Variants in CD83 observed in about 807,000 individuals in gnomAD.
CD83 encodes the protein CD83 molecule.
CD83 carries 22 observed loss-of-function variants against 24.6 expected under a neutral mutation model. The observed-to-expected ratio is 0.90, with a 90% CI of 0.64 to 1.28. The LOEUF (loss-of-function observed/expected upper bound fraction) is 1.28. Among genes scored for constraint, CD83 ranks in the 50% most tolerant of loss-of-function variants. CD83 has a pLI of 0.00. For synonymous variants in CD83, 101 were observed against 103.5 expected, an observed-to-expected ratio of 0.98 and a Z score of 0.14; for missense variants, 253 against 252.8, an observed-to-expected ratio of 1.00 and a Z score of -0.01.
At chr6:14,122,364 G>T (rs992647968) in intron 2 of CD83, among the ~76,000 whole-genome samples, 2 of 152,162 alleles carry the variant, frequency 1.3e-5, no homozygotes, top group Non-Finnish European at 1.5e-5. Flanking sequence ...CTACCATCTT[G>T]TGTGATAATG....
chr6:14,135,569 A>G lies in CD83; in HGVS notation c.*333A>G, dbSNP rs376308924. 7.2e-5 allele frequency: 16 copies of G among 222,802 alleles called. No homozygotes were observed. In the South Asian group the frequency reaches 2.0e-3, roughly 28 times the overall value. The allele number at this position is 222,802 out of a possible 1,614,324, so 13.8% of individuals were successfully genotyped here. A position where few individuals can be genotyped will look rare whatever the true frequency, so the allele number is the denominator to read the frequency against. On this transcript the variant is annotated 3_prime_UTR_variant, in exon 5 of 5. Transcript: ENST00000379153. ...TGGAAAAGGGTCTTGGGAAATATGA[A>G]TGCCCCCAGCTGGCCCGTGACAGAC...
rs940841406 is a variant in CD83, at chr6:14,129,554, TC to T, written c.154-1963del. Among the ~76,000 whole-genome samples, 1 of 152,192 alleles carries T rather than the reference TC, an allele frequency of 6.6e-6. No individual in the cohort carries two copies. Among genetic ancestry groups the T allele is most frequent in the African/African-American group, 2.4e-5 (1 of 41,436 alleles). On this transcript the variant is annotated intron_variant, in intron 2 of 4. Transcript: ENST00000379153. The surrounding 1 kb of genome is among the most constrained non-coding windows in gnomAD (Gnocchi z 4.3). ...TATGGGCCCCAGTCTTTTAGCTTCCTCCCATAGATTCTTGATTATTTAGGAA... is the reference window on the plus strand; with the variant it reads ...TATGGGCCCCAGTCTTTTAGCTTCCTCCATAGATTCTTGATTATTTAGGAA...
chr6:14,121,759 ATAG>A (rs1759676915), intron 2 of CD83, among the ~76,000 whole-genome samples: 1 of 152,140 alleles, frequency 6.6e-6, no homozygotes, highest in African/African-American at 2.4e-5. Context: ...ATAAAAGGGC[ATAG>A]CACAATATCA....
chr6:14,136,716 T>C lies in CD83; in HGVS notation c.*1480T>C, dbSNP rs1173432814. 6.6e-6 allele frequency: 1 copy of C among 152,174 alleles called. No individual in the cohort carries two copies. The highest frequency in any genetic ancestry group is 1.5e-5 in the Non-Finnish European group (1 of 68,026). The allele number at this position is 152,174 out of a possible 1,614,324, so 9.4% of individuals were successfully genotyped here. A position where few individuals can be genotyped will look rare whatever the true frequency, so the allele number is the denominator to read the frequency against. On this transcript the variant is annotated 3_prime_UTR_variant, in exon 5 of 5. Coordinates refer to ENST00000379153, the MANE Select transcript of CD83 (RefSeq NM_004233.4). ...CTGTTTTATATTCAACTCATAAGAC[T>C]TTGGGATAGGAAAAATGAGTAATGG...
Position 14,135,350 on chromosome 6 carries a change from T to G in CD83, c.*114T>G. On this transcript the variant is annotated 3_prime_UTR_variant, in exon 5 of 5. Coordinates refer to ENST00000379153, the MANE Select transcript of CD83 (RefSeq NM_004233.4). The stretch of plus-strand genomic sequence containing the variant: ...CTGAAGATGGCATCCTGTGAAGTCC[T>G]TCACCTCACTGAAAACATCTGGAAG... The G allele has an allele frequency of 8.5e-7, 1 of 1,175,226 alleles. No individual in the cohort carries two copies. The highest frequency in any genetic ancestry group is 2.3e-5 in the Admixed American group (1 of 43,170). 72.8% of individuals were successfully genotyped at this position (1,175,226 alleles called of 1,614,324 possible). A position where few individuals can be genotyped will look rare whatever the true frequency, so the allele number is the denominator to read the frequency against.
At chr6:14,132,771 G>A (rs540902425) in intron 3 of CD83, among the ~76,000 whole-genome samples, 18 of 152,278 alleles carry the variant, frequency 1.2e-4, no homozygotes, top group African/African-American at 4.3e-4. Flanking sequence ...CATTTTCAGG[G>A]GTTGACATCT....
intron 2 of CD83, among the ~76,000 whole-genome samples, chr6:14,120,001 GA>G (rs1482118634): frequency 6.6e-6 from 1 of 152,164 alleles, no homozygotes; most frequent in Non-Finnish European, 1.5e-5. Context: ...TTGTTTATTG[GA>G]CAGAATTCTT....
chr6:14,134,110 C>T (rs946456465), intron 4 of CD83, among the ~76,000 whole-genome samples: 2 of 152,262 alleles, frequency 1.3e-5, no homozygotes, highest in Non-Finnish European at 2.9e-5. Context: ...AGGCCCCGCT[C>T]TTCCTGTGGG....
intron 4 of CD83, among the ~76,000 whole-genome samples, chr6:14,134,577 A>G (rs1757998666): frequency 1.3e-5 from 2 of 152,158 alleles, no homozygotes; most frequent in South Asian, 2.1e-4. Flanking sequence ...GTGTCCCTCT[A>G]TTCACTTACT....
chr6:14,128,618 G>A (rs1759877803), intron 2 of CD83, among the ~76,000 whole-genome samples: 1 of 152,180 alleles, frequency 6.6e-6, no homozygotes, highest in Non-Finnish European at 1.5e-5. Flanking sequence ...TTTAGGAAAA[G>A]GGGTGTTTGG....
chr6:14,118,094 GT>G, intron 2 of CD83, 29 bp downstream of exon 2: 1 of 1,516,778 alleles, frequency 6.6e-7, no homozygotes. Flanking sequence ...ACGGGCTGGG[GT>G]TTGGTGGGCT....
At chr6:14,118,268 C>T (rs190535984) in intron 2 of CD83, among the ~76,000 whole-genome samples, 2 of 152,250 alleles carry the variant, frequency 1.3e-5, no homozygotes, top group East Asian at 1.9e-4. Context: ...TTAGGTTTTG[C>T]TCTCCGCAGA....
chr6:14,131,166 T>C (rs1757887617), intron 2 of CD83, among the ~76,000 whole-genome samples: 1 of 152,196 alleles, frequency 6.6e-6, no homozygotes, highest in Non-Finnish European at 1.5e-5. Flanking sequence ...AGAGAACATT[T>C]AATACAGAAC....
In CD83 at chr6:14,128,395, C is replaced by A. The variant is rs1241236685; in HGVS notation, c.154-3125C>A. Among the ~76,000 whole-genome samples, 4 of 152,270 alleles carry A rather than the reference C, an allele frequency of 2.6e-5. No homozygotes were observed. The East Asian group carries it at 7.7e-4, about 29-fold the overall frequency. On this transcript the variant is annotated intron_variant, in intron 2 of 4. Coordinates refer to ENST00000379153, the MANE Select transcript of CD83 (RefSeq NM_004233.4). ...CACGCCTTTTGCAGCTGTGGATAAA[C>A]CCCAAATTCCACAGCTGGGGGTCAC...
intron 3 of CD83, among the ~76,000 whole-genome samples, chr6:14,132,520 T>C (rs990003405): frequency 2.0e-5 from 3 of 152,268 alleles, no homozygotes; most frequent in Non-Finnish European, 4.4e-5. Flanking sequence ...TTTGTTAGTG[T>C]GTGACCTTGA....
rs1396836430 is a variant in CD83, at chr6:14,135,589, A to G, written c.*353A>G. 1 of 202,996 alleles carries G rather than the reference A, an allele frequency of 4.9e-6. No homozygotes were observed. Among genetic ancestry groups the G allele is most frequent in the East Asian group, 1.1e-4 (1 of 8,736 alleles). 12.6% of individuals were successfully genotyped at this position (202,996 alleles called of 1,614,324 possible). On this transcript the variant is annotated 3_prime_UTR_variant, in exon 5 of 5. Coordinates refer to ENST00000379153, the MANE Select transcript of CD83 (RefSeq NM_004233.4). The stretch of plus-strand genomic sequence containing the variant: ...TATGAATGCCCCCAGCTGGCCCGTG[A>G]CAGACTCCTGAGGACAGCTGTCCTC...
intron 4 of CD83, among the ~76,000 whole-genome samples, chr6:14,134,133 C>T (rs1276802598): frequency 6.6e-6 from 1 of 152,224 alleles, no homozygotes; most frequent in Non-Finnish European, 1.5e-5. Context: ...AGGGAGTGGG[C>T]CCCACTGCCC....
At chr6:14,122,900 T>C (rs1267706454) in intron 2 of CD83, among the ~76,000 whole-genome samples, 1 of 152,234 alleles carries the variant, frequency 6.6e-6, no homozygotes, top group African/African-American at 2.4e-5. Context: ...GGGAATCCAC[T>C]AAGACTTTTT....
rs1428560261 is a variant in CD83 at position 14,117,922 on chromosome 6, C to G, written c.38-28C>G. The stretch of plus-strand genomic sequence containing the variant: ...GACACCCCCTCCCGTCGGTCGCTTG[C>G]TCACGACGCGCTCTCTCTTTCTTGT... On this transcript the variant is annotated intron_variant, in intron 1 of 4. Coordinates refer to ENST00000379153, the MANE Select transcript of CD83 (RefSeq NM_004233.4). This position sits in a 1 kb window ranked among gnomAD's most constrained non-coding sequence, Gnocchi z 4.6. 6 of 1,595,462 alleles carry G rather than the reference C, an allele frequency of 3.8e-6. No individual in the cohort carries two copies. The highest frequency in any genetic ancestry group is 1.7e-4 in the Middle Eastern group (1 of 6,056).
Sources: allele counts gnomAD v4.1 joint callset (sites outside exome capture counted in the v4.1 genomes callset), GRCh38; gene constraint gnomAD v4.1.1; non-coding constraint Gnocchi (gnomAD v3.1); transcripts MANE v1.5; gene names NCBI Gene and HGNC (gene_info 2026-07-23, HGNC 2026-07-21).